PCDHGB4: variants seen among roughly 807,000 people sequenced by gnomAD.
PCDHGB4 encodes the protein protocadherin gamma subfamily B, 4.
Under a neutral mutation model 60.5 loss-of-function variants are expected in PCDHGB4, and 38 were observed. The observed-to-expected ratio is 0.63, with a 90% CI of 0.48 to 0.82. PCDHGB4 has a LOEUF of 0.82. Among genes scored for constraint, PCDHGB4 ranks in the 40% least tolerant of loss-of-function variants. PCDHGB4 has a pLI of 0.00. For missense variants in PCDHGB4, 1,109 were observed against 1,209.6 expected, an observed-to-expected ratio of 0.92 and a Z score of 1.23; for synonymous variants, 456 against 509.7, an observed-to-expected ratio of 0.89 and a Z score of 1.42.
chr5:141,501,439 C>G (rs1245306644), intron 2 of PCDHGB4, among the ~76,000 whole-genome samples: 1 of 151,978 alleles, frequency 6.6e-6, no homozygotes, highest in Non-Finnish European at 1.5e-5. Context: ...TCCATTTCTT[C>G]CATTTTTACT....
At chr5:141,450,211 T>TTTCA (rs1038674129) in intron 1 of PCDHGB4, among the ~76,000 whole-genome samples, 23 of 152,166 alleles carry the variant, frequency 1.5e-4, no homozygotes, top group African/African-American at 4.3e-4. Flanking sequence ...AGAGACAAGG[T>TTTCA]TTCACTATGT....
At chr5:141,415,560 GT>G in intron 1 of PCDHGB4, 1 of 1,613,936 alleles carries the variant, frequency 6.2e-7, no homozygotes, top group Non-Finnish European at 8.5e-7. Flanking sequence ...ACGATCCTTT[GT>G]CTTTGTTAGA....
intron 1 of PCDHGB4, chr5:141,415,051 C>G: frequency 6.2e-7 from 1 of 1,613,458 alleles, no homozygotes; most frequent in Non-Finnish European, 8.5e-7. Context: ...GGTGGGGGAG[C>G]ACACGGGCGA....
intron 1 of PCDHGB4, chr5:141,419,566 C>G: frequency 3.1e-6 from 5 of 1,611,792 alleles, no homozygotes; most frequent in Non-Finnish European, 2.5e-6. Context: ...CGCTGGGTCC[C>G]GACGGCTCCG....
Position 141,490,051 on chromosome 5 carries a change from G to C in PCDHGB4, c.2398-4756G>C, listed in dbSNP as rs779280988. 1 of 1,614,214 alleles carries C rather than the reference G, an allele frequency of 6.2e-7. No individual in the cohort carries two copies. The highest frequency in any genetic ancestry group is 1.1e-5 in the South Asian group (1 of 91,082). On this transcript the variant is annotated intron_variant, in intron 1 of 3. Coordinates refer to ENST00000519479, the MANE Select transcript of PCDHGB4 (RefSeq NM_003736.4). The surrounding 1 kb of genome is among the most constrained non-coding windows in gnomAD (Gnocchi z 5.4). Reference sequence around the variant, plus strand: ...CCGCCTCAATGCCACTGATCCAGACGAGGGCACCAACGGCCAACTAGACTA... The same window carrying C: ...CCGCCTCAATGCCACTGATCCAGACCAGGGCACCAACGGCCAACTAGACTA...
At chr5:141,449,737 A>T (rs1174103155) in intron 1 of PCDHGB4, among the ~76,000 whole-genome samples, 3 of 151,666 alleles carry the variant, frequency 2.0e-5, no homozygotes, top group Non-Finnish European at 4.4e-5. Flanking sequence ...TTTTTATGAC[A>T]TGATTATTTT....
intron 1 of PCDHGB4, chr5:141,405,405 T>C (rs765108115): frequency 1.4e-5 from 22 of 1,588,008 alleles, no homozygotes; most frequent in Non-Finnish European, 1.9e-5. Context: ...TTTCTTTCTT[T>C]TCTTTTTTTG....
intron 1 of PCDHGB4, among the ~76,000 whole-genome samples, chr5:141,450,682 T>C (rs112841569): frequency 0.042 from 6,384 of 151,996 alleles, 168 homozygotes; most frequent in Middle Eastern, 0.086. Context: ...AAACGGGGTT[T>C]TGCCATGTTG....
chr5:141,421,071 A>G (rs1197006989), intron 1 of PCDHGB4: 1 of 608,760 alleles, frequency 1.6e-6, no homozygotes, highest in East Asian at 2.9e-5. Flanking sequence ...GCGGAATGAG[A>G]TGGATACTCA....
chr5:141,404,167 G>C, intron 1 of PCDHGB4: 1 of 1,612,946 alleles, frequency 6.2e-7, no homozygotes, highest in South Asian at 1.1e-5. Context: ...ACAGATTGTT[G>C]ACGGCCCAAA....
rs150714552 is a variant in PCDHGB4, at chr5:141,473,285, G to A, written c.2398-21522G>A. On this transcript the variant is annotated intron_variant, in intron 1 of 3. Transcript: ENST00000519479. ...GTGTATGCTATGATTATTTTACTATGTCAGTAGCATAAAGATTGCTATATT... is the reference window on the plus strand; with the variant it reads ...GTGTATGCTATGATTATTTTACTATATCAGTAGCATAAAGATTGCTATATT... 3.9e-3 allele frequency among the ~76,000 whole-genome samples: 590 copies of A among 152,296 alleles called. 6 individuals are homozygous for A. Among genetic ancestry groups the A allele is most frequent in the Admixed American group, 0.011 (170 of 15,296 alleles).
At chr5:141,395,079 G>C in intron 1 of PCDHGB4, 1 of 1,614,142 alleles carries the variant, frequency 6.2e-7, no homozygotes, top group Non-Finnish European at 8.5e-7. Flanking sequence ...CTATTCCCAG[G>C]AAGTCTCCCT....
intron 1 of PCDHGB4, chr5:141,441,857 ACGCCGC>A (rs2098279969): frequency 2.8e-6 from 1 of 352,664 alleles, no homozygotes; most frequent in Non-Finnish European, 5.6e-6. Flanking sequence ...ATGGTGCTGC[ACGCCGC>A]GGAGCCTGGC....
chr5:141,495,982 T>C (rs2099765062), intron 2 of PCDHGB4, among the ~76,000 whole-genome samples: 2 of 152,144 alleles, frequency 1.3e-5, no homozygotes. Context: ...TACTCTTTCT[T>C]TATCTCTCTT....
At chr5:141,453,287 A>ATTT (rs2098760771) in intron 1 of PCDHGB4, among the ~76,000 whole-genome samples, 3 of 151,368 alleles carry the variant, frequency 2.0e-5, no homozygotes, top group African/African-American at 7.3e-5. Flanking sequence ...CTAATTTTTT[A>ATTT]ATTATTTATT....
intron 1 of PCDHGB4, among the ~76,000 whole-genome samples, chr5:141,446,323 A>G (rs1372501599): frequency 6.6e-6 from 1 of 152,216 alleles, no homozygotes. Flanking sequence ...GGGTTTCCAC[A>G]TTAAGGAACT....
intron 1 of PCDHGB4, among the ~76,000 whole-genome samples, chr5:141,438,587 CATACATATATATATATATATATATATAT>C (rs1267620600): frequency 1.4e-5 from 1 of 73,428 alleles, no homozygotes; most frequent in Non-Finnish European, 2.6e-5. Context: ...TACATACATA[CATACATATATATATATATATATATATAT>C]ATATATATAT....
intron 1 of PCDHGB4, chr5:141,423,618 C>CT (rs1300844043): frequency 1.9e-6 from 3 of 1,608,282 alleles, no homozygotes; most frequent in Admixed American, 1.7e-5. Flanking sequence ...TAGCTGAAGA[C>CT]TCAGCTATCA....
At chr5:141,453,969 A>T (rs543979166) in intron 1 of PCDHGB4, among the ~76,000 whole-genome samples, 13 of 152,356 alleles carry the variant, frequency 8.5e-5, no homozygotes, top group South Asian at 2.1e-4. Flanking sequence ...CAAAGCATGT[A>T]GTTGTGTTGC....
Sources: allele counts gnomAD v4.1 joint callset (sites outside exome capture counted in the v4.1 genomes callset), GRCh38; gene constraint gnomAD v4.1.1; non-coding constraint Gnocchi (gnomAD v3.1); transcripts MANE v1.5; gene names NCBI Gene and HGNC (gene_info 2026-07-23, HGNC 2026-07-21).